The following PPP2R2B variants were observed in gnomAD, a reference collection of about 807,000 sequenced individuals.
The protein encoded by PPP2R2B is serine/threonine-protein phosphatase 2A 55 kDa regulatory subunit B beta isoform.
Under a neutral mutation model 46.0 loss-of-function variants are expected in PPP2R2B, and 5 were observed. The observed-to-expected ratio is 0.11, with a 90% CI of 0.06 to 0.23. The LOEUF is 0.23. Ranked by LOEUF, PPP2R2B falls within the 10% of genes least tolerant of loss-of-function variation. PPP2R2B has a pLI of 1.00. For missense variants in PPP2R2B, 367 were observed against 575.0 expected (o/e 0.64, Z 3.70); for synonymous variants, 215 against 206.7 (o/e 1.04, Z -0.34).
chr5:147,046,321 T>A (rs1261643920), intron 1 of PPP2R2B, among the ~76,000 whole-genome samples: 1 of 152,182 alleles, frequency 6.6e-6, no homozygotes, highest in Admixed American at 6.5e-5. Context: ...TTCATACATA[T>A]CTTCGAAGTC....
intron 8 of PPP2R2B, among the ~76,000 whole-genome samples, chr5:146,595,681 G>GAAAA (rs770850820): frequency 6.6e-6 from 1 of 152,116 alleles, no homozygotes; most frequent in Non-Finnish European, 1.5e-5. Context: ...TTGTTGCACA[G>GAAAA]AAAAAAAGTC....
chr5:146,937,370 G>A (rs1211439112), intron 1 of PPP2R2B, among the ~76,000 whole-genome samples: 2 of 152,046 alleles, frequency 1.3e-5, no homozygotes, highest in East Asian at 3.9e-4. Context: ...GGCAGAGCTG[G>A]GATGGGGCCA....
upstream of PPP2R2B, among the ~76,000 whole-genome samples, chr5:146,882,393 C>T (rs1762196425): frequency 6.6e-6 from 1 of 152,062 alleles, no homozygotes. Context: ...CTTAGCAATA[C>T]AGCAAATGCA....
At chr5:147,046,753 T>C (rs575685593) in intron 1 of PPP2R2B, among the ~76,000 whole-genome samples, 2 of 152,012 alleles carry the variant, frequency 1.3e-5, no homozygotes, top group East Asian at 3.9e-4. Context: ...TTTTTACCTG[T>C]AAAATGTGGA....
chr5:146,745,138 C>A (rs545050944), intron 2 of PPP2R2B, among the ~76,000 whole-genome samples: 1 of 148,440 alleles, frequency 6.7e-6, no homozygotes, highest in Admixed American at 6.8e-5. Flanking sequence ...TTTCCCCCAA[C>A]TCTAAAACGT....
chr5:146,914,834 G>A (rs1333440451), intron 1 of PPP2R2B, among the ~76,000 whole-genome samples: 1 of 152,218 alleles, frequency 6.6e-6, no homozygotes, highest in African/African-American at 2.4e-5. Flanking sequence ...GGCATATCTT[G>A]TGTGGTACAA....
At chr5:146,954,685 A>C (rs1231576797) in intron 1 of PPP2R2B, among the ~76,000 whole-genome samples, 3 of 151,920 alleles carry the variant, frequency 2.0e-5, no homozygotes, top group Admixed American at 6.6e-5. Context: ...ATGAAAAGAG[A>C]GCCGAGATCT....
chr5:146,707,178 G>A (rs1328097521), intron 2 of PPP2R2B: 1 of 1,586,130 alleles, frequency 6.3e-7, no homozygotes, highest in East Asian at 2.2e-5. Flanking sequence ...GCCTAAGGCT[G>A]TTGATGTAGC....
intron 6 of PPP2R2B, among the ~76,000 whole-genome samples, chr5:146,642,753 T>A (rs1329382917): frequency 6.6e-6 from 1 of 152,200 alleles, no homozygotes; most frequent in East Asian, 1.9e-4. Flanking sequence ...AAAGTTGTAT[T>A]TCAGGCTGGA....
chr5:146,624,612 G>A (rs1392122720), intron 7 of PPP2R2B, among the ~76,000 whole-genome samples: 2 of 152,138 alleles, frequency 1.3e-5, no homozygotes, highest in East Asian at 1.9e-4. Flanking sequence ...TAGCCACAGA[G>A]TGACATATTA....
intron 1 of PPP2R2B, among the ~76,000 whole-genome samples, chr5:146,922,933 C>T (rs191090897): frequency 4.6e-5 from 7 of 152,198 alleles, no homozygotes; most frequent in East Asian, 3.9e-4. Flanking sequence ...AATAAAGATC[C>T]GGAAGATAGT....
At chr5:146,902,194 C>T (rs1239783200) in intron 1 of PPP2R2B, among the ~76,000 whole-genome samples, 1 of 152,136 alleles carries the variant, frequency 6.6e-6, no homozygotes, top group Non-Finnish European at 1.5e-5. Flanking sequence ...TTCCTCTCCT[C>T]TCCCCATTCC....
At chr5:146,882,739 T>A (rs1762206388), upstream of PPP2R2B, among the ~76,000 whole-genome samples, 1 of 152,206 alleles carries the variant, frequency 6.6e-6, no homozygotes, top group Non-Finnish European at 1.5e-5. Flanking sequence ...ATGTAGTCAG[T>A]CTCTGATGTC....
At chr5:146,803,420 A>G (rs1245001492) in intron 2 of PPP2R2B, among the ~76,000 whole-genome samples, 1 of 152,190 alleles carries the variant, frequency 6.6e-6, no homozygotes, top group Non-Finnish European at 1.5e-5. Flanking sequence ...TTTTAACATA[A>G]CATTAAGTTT....
chr5:146,733,937 G>T (rs1162214323), intron 2 of PPP2R2B, among the ~76,000 whole-genome samples: 2 of 152,158 alleles, frequency 1.3e-5, no homozygotes, highest in African/African-American at 4.8e-5. Flanking sequence ...AGCAGTGGTG[G>T]TGGTAGTAAT....
chr5:147,056,885 T>C (rs1446102918), upstream of PPP2R2B, among the ~76,000 whole-genome samples: 2 of 152,162 alleles, frequency 1.3e-5, no homozygotes, highest in African/African-American at 4.8e-5. Flanking sequence ...AAAGACACTA[T>C]TGTATATAAT....
chr5:147,020,803 G>A (rs907601871), intron 1 of PPP2R2B, among the ~76,000 whole-genome samples: 1 of 152,078 alleles, frequency 6.6e-6, no homozygotes, highest in Admixed American at 6.6e-5. Flanking sequence ...TGAAGTTCAG[G>A]CATTTATATT....
chr5:146,615,490 C>T (rs1410845762), intron 7 of PPP2R2B, among the ~76,000 whole-genome samples: 1 of 87,914 alleles, frequency 1.1e-5, no homozygotes, highest in Non-Finnish European at 2.1e-5. Context: ...TACCCTAAAA[C>T]TTAGAGTATA....
intron 2 of PPP2R2B, among the ~76,000 whole-genome samples, chr5:146,834,890 C>G (rs1452978182): frequency 6.6e-6 from 1 of 152,142 alleles, no homozygotes; most frequent in Non-Finnish European, 1.5e-5. Context: ...GTTTTCTGTT[C>G]CTGCATTAGT....
Sources: allele counts gnomAD v4.1 joint callset (sites outside exome capture counted in the v4.1 genomes callset), GRCh38; gene constraint gnomAD v4.1.1; transcripts MANE v1.5; gene names NCBI Gene and HGNC (gene_info 2026-07-23, HGNC 2026-07-21).